ZKSCAN7: variants seen among roughly 807,000 people sequenced by gnomAD.
ZKSCAN7 encodes zinc finger with KRAB and SCAN domains 7, also known as zinc finger protein with KRAB and SCAN domains 7.
ZKSCAN7 carries 38 observed loss-of-function variants against 65.3 expected under a neutral mutation model. The ratio of observed to expected loss-of-function variants is 0.58; its 90% CI spans 0.45 to 0.76. The LOEUF is 0.76. Among genes scored for constraint, ZKSCAN7 ranks in the 30% least tolerant of loss-of-function variants. The pLI, the probability that ZKSCAN7 is intolerant of heterozygous loss-of-function variation, is 0.00. For missense variants in ZKSCAN7, 815 were observed against 913.3 expected (o/e 0.89, Z 1.39); for synonymous variants, 321 against 321.0 (o/e 1.00, Z 0.00).
Position 44,568,299 on chromosome 3 carries a change from C to T in ZKSCAN7, c.685-8C>T, listed in dbSNP as rs1285474425. 1.2e-6 allele frequency: 2 copies of T among 1,610,336 alleles called. No homozygotes were observed. Among genetic ancestry groups the T allele is most frequent in the Non-Finnish European group, 8.5e-7 (1 of 1,178,566 alleles). On this transcript the variant is annotated splice_region_variant and splice_polypyrimidine_tract_variant and intron_variant, in intron 4 of 5. Transcript: ENST00000426540. ...ATGTTCCTGAGCGATTGGAGCTTGT[C>T]ATTCCAGGATACTGTGGCATATGAG...
Position 44,557,154 on chromosome 3 carries a change from G to A in ZKSCAN7, c.107G>A (p.Trp36Ter). The part of the protein sequence containing the change: ...TVKQEPANQT[W>*]GQGSSLQKNY... ...AAGCAGGAGCCAGCAAACCAGACCT[G>A]GGGGCAGGGCAGCAGTCTCCAGAAG... The change falls in exon 2 of 6, where the codon TGG (tryptophan) becomes TAG (stop). Residue 36 changes from tryptophan to a stop codon, truncating the protein, a stop_gained. Coordinates refer to ENST00000426540, the MANE Select transcript of ZKSCAN7 (RefSeq NM_001288590.2). LOFTEE classifies it high-confidence loss of function. The A allele has an allele frequency of 1.9e-6, 3 of 1,614,272 alleles. No individual in the cohort carries two copies. Among genetic ancestry groups the A allele is most frequent in the Non-Finnish European group, 2.5e-6 (3 of 1,180,050 alleles).
Position 44,558,412 on chromosome 3 carries a change from C to G in ZKSCAN7, c.423+942C>G, listed in dbSNP as rs575707496. On this transcript the variant is annotated intron_variant, in intron 2 of 5. Transcript: ENST00000426540. ...GGGTGGCATATACCTGTAATCTTAG[C>G]TACTGGGGAGGCTGAGGCAAAAGAA... Among the ~76,000 whole-genome samples, 438 of 151,856 alleles carry G rather than the reference C, an allele frequency of 2.9e-3. 3 individuals carry two copies. Among genetic ancestry groups the G allele is most frequent in the African/African-American group, 0.01 (414 of 41,384 alleles).
downstream of ZKSCAN7, among the ~76,000 whole-genome samples, chr3:44,573,317 A>G (rs959883945): frequency 6.6e-6 from 1 of 152,198 alleles, no homozygotes; most frequent in Non-Finnish European, 1.5e-5. Context: ...ACAGTGTGAC[A>G]GAGTAGAGGA....
chr3:44,572,983 C>T (rs760935026), downstream of ZKSCAN7, among the ~76,000 whole-genome samples: 1 of 151,966 alleles, frequency 6.6e-6, no homozygotes, highest in Admixed American at 6.6e-5. Context: ...TATGACGAGG[C>T]TTGTGGCAAG....
At chr3:44,574,303 G>A (rs1206323038), downstream of ZKSCAN7, among the ~76,000 whole-genome samples, 3 of 152,028 alleles carry the variant, frequency 2.0e-5, no homozygotes, top group Admixed American at 2.0e-4. Context: ...TTGTAGAGAT[G>A]GGTTTTCACC....
In ZKSCAN7 at chr3:44,557,173, C is replaced by T. The variant is rs1167655095; in HGVS notation, c.126C>T (p.Leu42=). ...AGACCTGGGGGCAGGGCAGCAGTCT[C>T]CAGAAGAACTATCCTCCTGTCTGCG... ...ANQTWGQGSS[L]QKNYPPVCEI... Residue 42 remains leucine, a synonymous_variant, in exon 2 of 6, where the codon CTC becomes CTT. Transcript: ENST00000426540. 3.7e-6 allele frequency: 6 copies of T among 1,614,242 alleles called. No homozygotes were observed. The highest frequency in any genetic ancestry group is 4.5e-5 in the East Asian group (2 of 44,882).
At chr3:44,577,959 C>T (rs772432187) in intron 5 of ZKSCAN7, among the ~76,000 whole-genome samples, 5 of 152,194 alleles carry the variant, frequency 3.3e-5, no homozygotes, top group Admixed American at 6.5e-5. Context: ...GAGCTTCAAC[C>T]GTTCTTGCAC....
intron 5 of ZKSCAN7, among the ~76,000 whole-genome samples, chr3:44,579,016 G>A (rs181119371): frequency 6.6e-5 from 10 of 152,344 alleles, no homozygotes; most frequent in African/African-American, 1.7e-4. Flanking sequence ...AGGTCAGCTC[G>A]TGTGTGGAGA....
chr3:44,557,125 T>C lies in ZKSCAN7; in HGVS notation c.78T>C (p.Thr26=). ...TCCAGAAGCAAGAGGGGCGCCTGAC[T>C]GTGAAGCAGGAGCCAGCAAACCAGA... ...TAFQKQEGRL[T]VKQEPANQTW... The change falls in exon 2 of 6, where the codon ACT becomes ACC. Residue 26 remains threonine, a synonymous_variant. Coordinates refer to ENST00000426540, the MANE Select transcript of ZKSCAN7 (RefSeq NM_001288590.2). 1 of 1,614,234 alleles carries C rather than the reference T, an allele frequency of 6.2e-7. No homozygotes were observed. The highest frequency in any genetic ancestry group is 8.5e-7 in the Non-Finnish European group (1 of 1,180,046).
chr3:44,580,810 A>G, intron 5 of ZKSCAN7: 1 of 1,613,074 alleles, frequency 6.2e-7, no homozygotes, highest in Admixed American at 1.7e-5. Flanking sequence ...AGGATGAAGA[A>G]CTGTCGCTGC....
chr3:44,580,331 G>T (rs1218885710), intron 5 of ZKSCAN7: 5 of 1,612,966 alleles, frequency 3.1e-6, no homozygotes, highest in Non-Finnish European at 4.2e-6. Flanking sequence ...GTTCCCGCAG[G>T]GAGCTGGCAG....
chr3:44,579,347 A>G (rs1345386431), intron 5 of ZKSCAN7, among the ~76,000 whole-genome samples: 1 of 152,076 alleles, frequency 6.6e-6, no homozygotes, highest in Non-Finnish European at 1.5e-5. Flanking sequence ...AGCAGGCCCC[A>G]CACCGCCCAC....
intron 2 of ZKSCAN7, among the ~76,000 whole-genome samples, chr3:44,558,781 C>CT (rs1559422610): frequency 5.4e-5 from 4 of 74,328 alleles, no homozygotes; most frequent in African/African-American, 1.1e-4. Context: ...CTTTCTTCTT[C>CT]ATTTTTTTTT....
intron 2 of ZKSCAN7, among the ~76,000 whole-genome samples, chr3:44,562,509 C>T (rs1199157415): frequency 1.3e-5 from 2 of 152,224 alleles, no homozygotes; most frequent in Non-Finnish European, 2.9e-5. Flanking sequence ...TTGAATTTCT[C>T]CCCAGAAAAC....
intron 5 of ZKSCAN7, chr3:44,580,493 G>A (rs1166336215): frequency 1.9e-6 from 3 of 1,609,382 alleles, no homozygotes; most frequent in East Asian, 4.5e-5. Flanking sequence ...TGCTGCTGGT[G>A]GTAACAGCCA....
chr3:44,570,427 T>A lies in ZKSCAN7; in HGVS notation c.1317T>A (p.Tyr439Ter). ...HLRTHTGEKP[Y>*]ECSECGKAYR... is the part of the protein sequence containing the mutation. ...GAACCCACACAGGGGAAAAACCCTA[T>A]GAATGCAGTGAGTGTGGAAAGGCCT... Residue 439 changes from tyrosine to a stop codon, truncating the protein, a stop_gained, in exon 6 of 6, where the codon TAT becomes TAA. Coordinates refer to ENST00000426540, the MANE Select transcript of ZKSCAN7 (RefSeq NM_001288590.2). LOFTEE classifies it high-confidence loss of function. 6.2e-7 allele frequency: 1 copy of A among 1,614,044 alleles called. No individual in the cohort carries two copies. The highest frequency in any genetic ancestry group is 1.3e-5 in the African/African-American group (1 of 75,030).
In ZKSCAN7 at chr3:44,571,975, C is replaced by T. The variant is rs1164461130; in HGVS notation, c.*600C>T. ...TCTTCAACTTCTCTTGATTTGACCT[C>T]AGTGCTTTGAATTCACTGGTGCTAC... On this transcript the variant is annotated 3_prime_UTR_variant, in exon 6 of 6. Transcript: ENST00000426540. 20 of 986,558 alleles carry T rather than the reference C, an allele frequency of 2.0e-5. No homozygotes were observed. The highest frequency in any genetic ancestry group is 2.0e-5 in the Non-Finnish European group (17 of 830,720). The allele number at this position is 986,558 out of a possible 1,614,324, so 61.1% of individuals were successfully genotyped here.
intron 5 of ZKSCAN7, chr3:44,578,310 A>G (rs1435075523): frequency 1.7e-5 from 27 of 1,590,338 alleles, no homozygotes; most frequent in Admixed American, 1.2e-4. Context: ...TCCGATTCCT[A>G]TATCCGCAAT....
rs756854630 is a variant in ZKSCAN7, at chr3:44,570,172, T to A, written c.1062T>A (p.Tyr354Ter). 6.2e-7 allele frequency: 1 copy of A among 1,614,154 alleles called. No homozygotes were observed. Among genetic ancestry groups the A allele is most frequent in the East Asian group, 2.2e-5 (1 of 44,886 alleles). ...AGAAAAAATCCACAAAAGACAGATA[T>A]GACAAATATAAGGAAGTTGGGGAAC... ...EDKKKSTKDR[Y>*]DKYKEVGEHP... The change falls in exon 6 of 6, where the codon TAT becomes TAA. Residue 354 changes from tyrosine (Y) to a stop codon, truncating the protein, a stop_gained. Transcript: ENST00000426540. LOFTEE classifies it high-confidence loss of function.
Sources: allele counts gnomAD v4.1 joint callset (sites outside exome capture counted in the v4.1 genomes callset), GRCh38; gene constraint gnomAD v4.1.1; transcripts MANE v1.5; gene names NCBI Gene and HGNC (gene_info 2026-07-23, HGNC 2026-07-21).